Variants in ADAMTSL1 observed in about 807,000 individuals in gnomAD.
ADAMTSL1 encodes the protein ADAMTS like 1.
In ADAMTSL1, 126 loss-of-function variants were observed where a neutral mutation model predicts 201.8. The observed-to-expected ratio is 0.62, with a 90% CI of 0.54 to 0.72. ADAMTSL1 has a LOEUF of 0.72. Ranked by LOEUF, ADAMTSL1 falls within the 30% of genes least tolerant of loss-of-function variation. The pLI, the probability that ADAMTSL1 is intolerant of heterozygous loss-of-function variation, is 0.00. For synonymous variants in ADAMTSL1, 1,121 were observed against 903.4 expected (o/e 1.24, Z -4.32); for missense variants, 2,679 against 2,277.8 (o/e 1.18, Z -3.59).
intron 2 of ADAMTSL1, among the ~76,000 whole-genome samples, chr9:18,205,162 T>G (rs1323777951): frequency 6.6e-6 from 1 of 152,140 alleles, no homozygotes; most frequent in Non-Finnish European, 1.5e-5. Flanking sequence ...CTGACAGAAT[T>G]ATTGCCTAGG....
intron 4 of ADAMTSL1, among the ~76,000 whole-genome samples, chr9:18,620,854 A>G (rs1429865805): frequency 6.6e-6 from 1 of 152,210 alleles, no homozygotes; most frequent in African/African-American, 2.4e-5. Context: ...TCTATTTTTA[A>G]AAGACGTTCA....
intron 2 of ADAMTSL1, among the ~76,000 whole-genome samples, chr9:18,441,242 T>C (rs971946491): frequency 2.0e-5 from 3 of 152,188 alleles, no homozygotes; most frequent in African/African-American, 7.2e-5. Context: ...TACAATCTTA[T>C]ACAGTCAAAA....
chr9:18,574,946 TGGATTA>T (rs1006807872), intron 4 of ADAMTSL1, among the ~76,000 whole-genome samples: 7 of 152,210 alleles, frequency 4.6e-5, no homozygotes, highest in Non-Finnish European at 1.5e-5. Flanking sequence ...GTCCACTTTT[TGGATTA>T]GGATTACCAG....
chr9:18,721,798 A>G lies in ADAMTSL1; in HGVS notation c.2006+133A>G, dbSNP rs114376871. 4.8e-3 allele frequency: 6,550 copies of G among 1,359,194 alleles called. 23 individuals carry two copies. The highest frequency in any genetic ancestry group is 9.8e-3 in the Middle Eastern group (49 of 5,024). The allele number at this position is 1,359,194 out of a possible 1,614,324, so 84.2% of individuals were successfully genotyped here. On this transcript the variant is annotated intron_variant, in intron 15 of 28. Transcript: ENST00000380548. ...CCAATTAGCATCAGTTCAAACTTTT[A>G]GTCAAATCCACTTAAGTTTAATTGA...
chr9:18,861,574 T>G (rs1827218579), intron 23 of ADAMTSL1, among the ~76,000 whole-genome samples: 1 of 152,122 alleles, frequency 6.6e-6, no homozygotes, highest in Admixed American at 6.5e-5. Context: ...ATACTAGAAA[T>G]GTAGGTTGCA....
chr9:18,167,648 T>C (rs940261342), intron 2 of ADAMTSL1, among the ~76,000 whole-genome samples: 8 of 151,906 alleles, frequency 5.3e-5, no homozygotes, highest in African/African-American at 1.9e-4. Flanking sequence ...AACTGGAAAA[T>C]TCACTCAACC....
intron 3 of ADAMTSL1, among the ~76,000 whole-genome samples, chr9:18,561,308 G>T (rs1422890800): frequency 3.9e-5 from 6 of 152,126 alleles, no homozygotes; most frequent in Non-Finnish European, 8.8e-5. Flanking sequence ...TCATTCAGGA[G>T]CAGGCTGTTC....
chr9:18,560,272 G>A (rs925525211), intron 3 of ADAMTSL1, among the ~76,000 whole-genome samples: 3 of 152,094 alleles, frequency 2.0e-5, no homozygotes, highest in Non-Finnish European at 2.9e-5. Flanking sequence ...ACAATAATGT[G>A]GTTTTGTCAT....
At chr9:18,238,539 G>A (rs1221536141) in intron 2 of ADAMTSL1, among the ~76,000 whole-genome samples, 1 of 152,154 alleles carries the variant, frequency 6.6e-6, no homozygotes, top group Admixed American at 6.6e-5. Context: ...GTAAAATGAA[G>A]CTAGAATGGC....
At chr9:18,059,359 T>C (rs983751210) in intron 1 of ADAMTSL1, among the ~76,000 whole-genome samples, 5 of 152,174 alleles carry the variant, frequency 3.3e-5, no homozygotes, top group South Asian at 2.1e-4. Flanking sequence ...ATTTTTTTGG[T>C]TGAGTCATTT....
chr9:18,550,419 A>G (rs567334796), intron 3 of ADAMTSL1, among the ~76,000 whole-genome samples: 1 of 151,940 alleles, frequency 6.6e-6, no homozygotes, highest in South Asian at 2.1e-4. Flanking sequence ...ACAAGAAGGC[A>G]TTCATGTACT....
At chr9:18,563,139 A>C (rs1057093826) in intron 3 of ADAMTSL1, among the ~76,000 whole-genome samples, 9 of 152,134 alleles carry the variant, frequency 5.9e-5, no homozygotes, top group African/African-American at 1.9e-4. Context: ...GTTTTTCCTC[A>C]TCTTAATGGA....
At chr9:18,888,678 T>G (rs1408623636) in intron 24 of ADAMTSL1, among the ~76,000 whole-genome samples, 1 of 152,192 alleles carries the variant, frequency 6.6e-6, no homozygotes, top group Non-Finnish European at 1.5e-5. Flanking sequence ...GAAACTGGCC[T>G]TCTTATAGTG....
At position 18,721,799 on chromosome 9, in the gene ADAMTSL1, GT is replaced by G; in HGVS notation, c.2006+135del. The G allele has an allele frequency of 3.7e-6, 5 of 1,359,226 alleles. No homozygotes were observed. The South Asian group carries it at 6.2e-5, about 17-fold the overall frequency. The allele number at this position is 1,359,226 out of a possible 1,614,324, so 84.2% of individuals were successfully genotyped here. A position where few individuals can be genotyped will look rare whatever the true frequency, so the allele number is the denominator to read the frequency against. ...CAATTAGCATCAGTTCAAACTTTTAGTCAAATCCACTTAAGTTTAATTGAAA... is the reference window on the plus strand; with the variant it reads ...CAATTAGCATCAGTTCAAACTTTTAGCAAATCCACTTAAGTTTAATTGAAA... On this transcript the variant is annotated intron_variant, in intron 15 of 28. Transcript: ENST00000380548.
chr9:18,344,525 T>C (rs1371569088), intron 2 of ADAMTSL1, among the ~76,000 whole-genome samples: 2 of 152,096 alleles, frequency 1.3e-5, no homozygotes, highest in Non-Finnish European at 1.5e-5. Flanking sequence ...AACCTTTAAG[T>C]GCACAATACA....
chr9:18,692,541 A>G (rs1831296098), intron 13 of ADAMTSL1, among the ~76,000 whole-genome samples: 1 of 152,188 alleles, frequency 6.6e-6, no homozygotes, highest in Admixed American at 6.5e-5. Flanking sequence ...AAAATAAAGT[A>G]TGCACCCTGT....
intron 2 of ADAMTSL1, among the ~76,000 whole-genome samples, chr9:18,330,757 A>T (rs909138026): frequency 6.6e-6 from 1 of 152,220 alleles, no homozygotes; most frequent in Non-Finnish European, 1.5e-5. Flanking sequence ...AAAGAAATAC[A>T]ACCTTTAAGA....
At chr9:18,709,907 T>C (rs975653491) in intron 14 of ADAMTSL1, among the ~76,000 whole-genome samples, 2 of 152,220 alleles carry the variant, frequency 1.3e-5, no homozygotes, top group African/African-American at 4.8e-5. Flanking sequence ...ACAAGTCCTC[T>C]CTACTTTTTG....
At chr9:18,468,418 G>C (rs1401123482) in intron 2 of ADAMTSL1, among the ~76,000 whole-genome samples, 1 of 152,032 alleles carries the variant, frequency 6.6e-6, no homozygotes, top group African/African-American at 2.4e-5. Context: ...TTCAAATGCA[G>C]AAAAATTGAG....
Sources: gnomAD v4.1 joint callset for allele counts (sites outside exome capture counted in the v4.1 genomes callset) on GRCh38, gnomAD v4.1.1 for gene constraint, MANE v1.5 for transcripts, NCBI Gene and HGNC (gene_info 2026-07-23, HGNC 2026-07-21) for gene names.